LMOD1: variants seen among roughly 807,000 people sequenced by gnomAD.
LMOD1 encodes leiomodin-1.
A neutral mutation model predicts 36.5 loss-of-function variants in LMOD1; 8 were observed. That is an observed-to-expected ratio of 0.22 (90% CI 0.13 to 0.40). LMOD1 has a LOEUF of 0.40. Ranked by LOEUF, LMOD1 falls within the 10% of genes least tolerant of loss-of-function variation. The probability of loss-of-function intolerance (pLI) is 1.00; values close to 1 mark genes in which losing one functional copy is unlikely to be tolerated. For missense variants in LMOD1, 630 were observed against 751.1 expected (o/e 0.84, Z 1.88); for synonymous variants, 284 against 288.7 (o/e 0.98, Z 0.17).
At position 201,896,752 on chromosome 1, in the gene LMOD1, G is replaced by A; in HGVS notation, c.*1620C>T. The A allele has an allele frequency of 2.2e-6, 1 of 454,830 alleles. No individual in the cohort carries two copies. The highest frequency in any genetic ancestry group is 1.6e-5 in the South Asian group (1 of 64,516). The allele number at this position is 454,830 out of a possible 1,614,324, so 28.2% of individuals were successfully genotyped here. ...CTCCTCTGGGCCCAGTGATTGCTTA[G>A]GTGACTGGGGTGACAGGCAAGTGGG... On this transcript the variant is annotated 3_prime_UTR_variant, in exon 3 of 3. Coordinates refer to ENST00000367288, the MANE Select transcript of LMOD1 (RefSeq NM_012134.3).
At chr1:201,942,341 G>A (rs1682131749) in intron 1 of LMOD1, among the ~76,000 whole-genome samples, 1 of 152,218 alleles carries the variant, frequency 6.6e-6, no homozygotes, top group African/African-American at 2.4e-5. Flanking sequence ...GACTGGTATT[G>A]GAGCGCTCAG....
chr1:201,904,403 T>A (rs1294114810), intron 1 of LMOD1, among the ~76,000 whole-genome samples: 1 of 151,920 alleles, frequency 6.6e-6, no homozygotes. Flanking sequence ...AGAGACGGGG[T>A]TTCTCCATGT....
chr1:201,940,587 C>G (rs1682097099), intron 1 of LMOD1, among the ~76,000 whole-genome samples: 1 of 122,046 alleles, frequency 8.2e-6, no homozygotes, highest in South Asian at 2.7e-4. Context: ...TGCTCAAAGT[C>G]TTTTTTTTTT....
chr1:201,932,765 G>A (rs528548938), intron 1 of LMOD1, among the ~76,000 whole-genome samples: 1 of 152,232 alleles, frequency 6.6e-6, no homozygotes, highest in East Asian at 1.9e-4. Flanking sequence ...AGAAAGAAAT[G>A]ATGTTAATGA....
At chr1:201,922,552 A>G (rs1281480992) in intron 1 of LMOD1, among the ~76,000 whole-genome samples, 1 of 152,102 alleles carries the variant, frequency 6.6e-6, no homozygotes, top group Non-Finnish European at 1.5e-5. Context: ...CAGAAAATGG[A>G]TTAGCGGTTG....
intron 1 of LMOD1, among the ~76,000 whole-genome samples, chr1:201,924,924 AGATATTCCG>A (rs945973357): frequency 1.3e-4 from 20 of 152,260 alleles, no homozygotes; most frequent in Admixed American, 9.8e-4. Flanking sequence ...AAAGAGTTCA[AGATATTCCG>A]GCTGAGCGTG....
Position 201,921,837 on chromosome 1 carries a change from G to A in LMOD1, c.262-21086C>T, listed in dbSNP as rs1024165972. 5.9e-5 allele frequency among the ~76,000 whole-genome samples: 9 copies of A among 152,076 alleles called. 1 individual carries two copies. The highest frequency in any genetic ancestry group is 1.3e-4 in the Non-Finnish European group (9 of 67,988). ...TAGCCAGGCGTGGTGGTGGGCGCCT[G>A]TAGTCCCAGCTGCTCGGGAGGCTGA... On this transcript the variant is annotated intron_variant, in intron 1 of 2. Coordinates refer to ENST00000367288, the MANE Select transcript of LMOD1 (RefSeq NM_012134.3).
At chr1:201,911,067 G>A (rs115867485) in intron 1 of LMOD1, among the ~76,000 whole-genome samples, 66 of 152,202 alleles carry the variant, frequency 4.3e-4, no homozygotes, top group African/African-American at 1.6e-3. Context: ...CCACACTCCT[G>A]CCAGGAGCTC....
chr1:201,901,227 G>A (rs767232929), intron 1 of LMOD1, among the ~76,000 whole-genome samples: 3 of 151,822 alleles, frequency 2.0e-5, no homozygotes, highest in Non-Finnish European at 2.9e-5. Flanking sequence ...CATGAAGTCC[G>A]GGCGCGGTGG....
intron 1 of LMOD1, among the ~76,000 whole-genome samples, chr1:201,942,107 G>A (rs1682126232): frequency 6.6e-6 from 1 of 152,156 alleles, no homozygotes; most frequent in Admixed American, 6.5e-5. Context: ...GACAGGTCTG[G>A]CCCTTTAAAG....
At chr1:201,901,536 A>ATATATATATATACACATATATATATGTG (rs1558234625) in intron 1 of LMOD1, among the ~76,000 whole-genome samples, 14 of 44,606 alleles carry the variant, frequency 3.1e-4, no homozygotes, top group African/African-American at 1.3e-3. Flanking sequence ...ATATGTATAT[A>ATATATATATATACACATATATATATGTG]TATATATATA....
chr1:201,921,732 G>A (rs780590648), intron 1 of LMOD1, among the ~76,000 whole-genome samples: 76 of 151,798 alleles, frequency 5.0e-4, no homozygotes, highest in Non-Finnish European at 6.2e-4. Context: ...AGGCTGAGGC[G>A]GGCGGATCAC....
intron 1 of LMOD1, among the ~76,000 whole-genome samples, chr1:201,933,351 T>C (rs1681958274): frequency 6.6e-6 from 1 of 150,422 alleles, no homozygotes; most frequent in Non-Finnish European, 1.5e-5. Context: ...AAGGTGGAGG[T>C]TGCAGTGAGC....
At chr1:201,939,939 A>G (rs1682085584) in intron 1 of LMOD1, among the ~76,000 whole-genome samples, 2 of 152,160 alleles carry the variant, frequency 1.3e-5, no homozygotes, top group Non-Finnish European at 2.9e-5. Context: ...GGATAGACAG[A>G]TAAGACCGGG....
rs1681247165 is a variant in LMOD1 at position 201,899,284 on chromosome 1, G to C, written c.1729C>G (p.Gln577Glu). ...CTGGAGCGGATGGCAGCCAATAGCT[G>C]GTCACGGGAGTTCTTCTCCTGGGCA... ...LPAQEKNSRD[Q>E]LLAAIRSSNL... The change falls in exon 2 of 3, where the codon CAG becomes GAG. Residue 577 changes from glutamine (Q) to glutamate (E), a missense_variant. Physicochemically the swap from Gln to Glu is conservative, Grantham distance 29. This residue lies in a region of LMOD1 where 144 missense variants were observed against 169.8 expected (regional missense o/e 0.85). Coordinates refer to ENST00000367288, the MANE Select transcript of LMOD1 (RefSeq NM_012134.3). The surrounding 1 kb of genome is among the most constrained non-coding windows in gnomAD (Gnocchi z 6.3). 5.6e-6 allele frequency: 9 copies of C among 1,607,342 alleles called. No individual in the cohort carries two copies. The highest frequency in any genetic ancestry group is 6.8e-6 in the Non-Finnish European group (8 of 1,175,890).
intron 1 of LMOD1, among the ~76,000 whole-genome samples, chr1:201,923,544 G>T (rs1441253653): frequency 6.6e-6 from 1 of 152,022 alleles, no homozygotes; most frequent in Non-Finnish European, 1.5e-5. Context: ...AACATAGTGA[G>T]ACCCTGTCTA....
chr1:201,909,000 T>C (rs1681451808), intron 1 of LMOD1, among the ~76,000 whole-genome samples: 1 of 152,212 alleles, frequency 6.6e-6, no homozygotes, highest in African/African-American at 2.4e-5. Context: ...ATGCTGGCCA[T>C]GTGGGCACAG....
chr1:201,903,204 A>T (rs1001893599), intron 1 of LMOD1, among the ~76,000 whole-genome samples: 2 of 152,280 alleles, frequency 1.3e-5, no homozygotes, highest in African/African-American at 4.8e-5. Context: ...CACCACAAAC[A>T]CATGCCATTG....
intron 1 of LMOD1, among the ~76,000 whole-genome samples, chr1:201,942,293 T>A (rs925029032): frequency 6.6e-6 from 1 of 152,046 alleles, no homozygotes; most frequent in Admixed American, 6.5e-5. Flanking sequence ...AGAAAACAGA[T>A]GATTATACAA....
Sources: allele counts gnomAD v4.1 joint callset (sites outside exome capture counted in the v4.1 genomes callset), GRCh38; gene constraint gnomAD v4.1.1; regional missense constraint gnomAD v4.1.1; non-coding constraint Gnocchi (gnomAD v3.1); transcripts MANE v1.5; gene names NCBI Gene and HGNC (gene_info 2026-07-23, HGNC 2026-07-21).